Variants in SCARA3 observed in about 807,000 individuals in gnomAD.
SCARA3 encodes scavenger receptor class A member 3.
Under a neutral mutation model 47.0 loss-of-function variants are expected in SCARA3, and 39 were observed. The ratio of observed to expected loss-of-function variants is 0.83; its 90% CI spans 0.64 to 1.08. The LOEUF is 1.08. Ranked by LOEUF, SCARA3 falls within the 50% of genes least tolerant of loss-of-function variation. The probability of loss-of-function intolerance (pLI) is 0.00; values close to 1 mark genes in which losing one functional copy is unlikely to be tolerated. For missense variants in SCARA3, 724 were observed against 792.3 expected, an observed-to-expected ratio of 0.91 and a Z score of 1.04; for synonymous variants, 356 against 334.1, an observed-to-expected ratio of 1.07 and a Z score of -0.71.
downstream of SCARA3, among the ~76,000 whole-genome samples, chr8:27,676,331 CGT>C (rs1563417115): frequency 6.6e-6 from 1 of 152,170 alleles, no homozygotes; most frequent in Non-Finnish European, 1.5e-5. Flanking sequence ...CCAGCTGCCT[CGT>C]TACTAACACC....
the SCARA3 span, among the ~76,000 whole-genome samples, chr8:27,712,490 G>C: frequency 8.7e-5 from 13 of 149,384 alleles, no homozygotes; most frequent in Non-Finnish European, 1.2e-4. Flanking sequence ...GTGAACCCGG[G>C]AGGCGGAGCT....
the SCARA3 span, among the ~76,000 whole-genome samples, chr8:27,718,548 A>G: frequency 2.6e-5 from 4 of 152,360 alleles, no homozygotes; most frequent in Non-Finnish European, 4.4e-5. Context: ...GGTTTTTAGA[A>G]TGCAAGCTGG....
Position 27,671,518 on chromosome 8 carries a change from T to C in SCARA3, c.*167T>C. On this transcript the variant is annotated 3_prime_UTR_variant, in exon 6 of 6. Transcript: ENST00000301904. ...GGGCTCCCCCATAGTGACTGTGCCATAGGAAAGCAGCCCCTCCTCACACAT... is the reference window on the plus strand; with the variant it reads ...GGGCTCCCCCATAGTGACTGTGCCACAGGAAAGCAGCCCCTCCTCACACAT... 4 of 1,286,414 alleles carry C rather than the reference T, an allele frequency of 3.1e-6. No homozygotes were observed. Among genetic ancestry groups the C allele is most frequent in the African/African-American group, 3.1e-5 (2 of 64,984 alleles). The allele number at this position is 1,286,414 out of a possible 1,614,324, so 79.7% of individuals were successfully genotyped here.
At chr8:27,646,972 G>A (rs60321069) in intron 1 of SCARA3, among the ~76,000 whole-genome samples, 4 of 23,506 alleles carry the variant, frequency 1.7e-4, no homozygotes, top group Non-Finnish European at 2.2e-4. Flanking sequence ...GACCGCCCCC[G>A]CCCCCCCCCC....
chr8:27,671,458 A>G lies in SCARA3; in HGVS notation c.*107A>G, dbSNP rs1406059809. On this transcript the variant is annotated 3_prime_UTR_variant, in exon 6 of 6. Coordinates refer to ENST00000301904, the MANE Select transcript of SCARA3 (RefSeq NM_016240.3). ...AGACAGCTGTGGTCCTCTGATTCCA[A>G]TGAGGGGGCTCCCCAGGGCTGACCC... 14 of 1,319,730 alleles carry G rather than the reference A, an allele frequency of 1.1e-5. No homozygotes were observed. Among genetic ancestry groups the G allele is most frequent in the African/African-American group, 1.5e-5 (1 of 65,200 alleles). 81.8% of individuals were successfully genotyped at this position (1,319,730 alleles called of 1,614,324 possible).
intron 5 of SCARA3, among the ~76,000 whole-genome samples, chr8:27,660,307 A>G (rs1801867847): frequency 6.6e-6 from 1 of 152,128 alleles, no homozygotes; most frequent in Non-Finnish European, 1.5e-5. Flanking sequence ...ATATATATAG[A>G]GAGATAGACC....
rs1309025249 is a variant in SCARA3 at position 27,671,257 on chromosome 8, G to A, written c.1727G>A (p.Arg576Gln). The A allele has an allele frequency of 1.5e-5, 22 of 1,481,952 alleles. No individual in the cohort carries two copies. The highest frequency in any genetic ancestry group is 2.7e-5 in the Admixed American group (1 of 36,450). The allele number at this position is 1,481,952 out of a possible 1,614,324, so 91.8% of individuals were successfully genotyped here. The change falls in exon 6 of 6, where the codon CGG (arginine) becomes CAG (glutamine). Residue 576 changes from arginine to glutamine, a missense_variant. Transcript: ENST00000301904. Reference protein sequence around the residue: ...IAGKTGSPGQRGAMGPKGEPG... With the variant: ...IAGKTGSPGQQGAMGPKGEPG... ...GGGAAGACAGGGTCACCAGGCCAGC[G>A]GGGGGCCATGGGGCCTAAGGGTGAA...
chr8:27,639,859 T>G (rs1801346114), intron 1 of SCARA3, among the ~76,000 whole-genome samples: 1 of 152,214 alleles, frequency 6.6e-6, no homozygotes, highest in South Asian at 2.1e-4. Context: ...CCGCGTTGAC[T>G]GCTGATCAGC....
chr8:27,724,583 G>A, the SCARA3 span, among the ~76,000 whole-genome samples: 7 of 152,270 alleles, frequency 4.6e-5, no homozygotes, highest in South Asian at 2.1e-4. Context: ...GTTTGAACCC[G>A]GGAGGCAGAG....
intron 3 of SCARA3, among the ~76,000 whole-genome samples, chr8:27,656,028 G>C (rs1179007856): frequency 6.6e-6 from 1 of 152,132 alleles, no homozygotes; most frequent in African/African-American, 2.4e-5. Context: ...CTGACATATG[G>C]TCAAGGTCAG....
In SCARA3 at chr8:27,671,105, G is replaced by T; in HGVS notation, c.1575G>T (p.Lys525Asn). ...PRGFPGLKGSKGSFGTGGPRG... is the reference protein window; with the variant it reads ...PRGFPGLKGSNGSFGTGGPRG... ...GGTTCCCAGGCCTCAAAGGCTCAAA[G>T]GGCAGCTTTGGAACTGGAGGGCCGA... The change falls in exon 6 of 6, where the codon AAG becomes AAT. Residue 525 changes from lysine (K) to asparagine (N), a missense_variant. Lys to Asn is a moderately conservative substitution (Grantham distance 94). Transcript: ENST00000301904. 6.2e-7 allele frequency: 1 copy of T among 1,601,316 alleles called. No homozygotes were observed. Among genetic ancestry groups the T allele is most frequent in the Non-Finnish European group, 8.5e-7 (1 of 1,173,816 alleles).
rs905696733 is a variant in SCARA3, at chr8:27,671,166, C to G, written c.1636C>G (p.Pro546Ala). Residue 546 changes from proline to alanine, a missense_variant, in exon 6 of 6, where the codon CCA (proline) becomes GCA (alanine). By Grantham distance (27) the Pro-to-Ala change is conservative. Transcript: ENST00000301904. ...QPGPKGDIGP[P>A]GPEGPPGSPG... ...AGGCCCAAAAGGGGACATAGGGCCC[C>G]CAGGGCCAGAAGGGCCCCCGGGGTC... 1.3e-6 allele frequency: 2 copies of G among 1,531,358 alleles called. No homozygotes were observed. The highest frequency in any genetic ancestry group is 2.8e-5 in the African/African-American group (2 of 71,662). 94.9% of individuals were successfully genotyped at this position (1,531,358 alleles called of 1,614,324 possible). A position where few individuals can be genotyped will look rare whatever the true frequency, so the allele number is the denominator to read the frequency against.
chr8:27,642,353 T>C lies in SCARA3; in HGVS notation c.8-7349T>C, dbSNP rs75266544. 9.2e-5 allele frequency among the ~76,000 whole-genome samples: 14 copies of C among 152,360 alleles called. No homozygotes were observed. In the East Asian group the frequency reaches 2.7e-3, roughly 29 times the overall value. ...ACTACTATTTATTAAGCATTTACGATGTACCAGGTACTTTTCATATACGTC... is the reference window on the plus strand; with the variant it reads ...ACTACTATTTATTAAGCATTTACGACGTACCAGGTACTTTTCATATACGTC... On this transcript the variant is annotated intron_variant, in intron 1 of 5. Coordinates refer to ENST00000301904, the MANE Select transcript of SCARA3 (RefSeq NM_016240.3).
chr8:27,702,218 T>C, the SCARA3 span: 1 of 152,282 alleles, frequency 6.6e-6, no homozygotes, highest in African/African-American at 2.4e-5. Context: ...AACAACTGAC[T>C]TCAAGTCCTA....
At chr8:27,668,158 C>G (rs1205474916) in intron 5 of SCARA3, among the ~76,000 whole-genome samples, 1 of 152,206 alleles carries the variant, frequency 6.6e-6, no homozygotes, top group East Asian at 1.9e-4. Context: ...GAAAGACTCC[C>G]CAGAGCTTTC....
downstream of SCARA3, chr8:27,676,675 T>C: frequency 1.2e-6 from 1 of 859,776 alleles, no homozygotes. Flanking sequence ...TCCTTAATGG[T>C]AAGCATCACC....
chr8:27,673,621 G>C (rs920828847), downstream of SCARA3, among the ~76,000 whole-genome samples: 2 of 152,208 alleles, frequency 1.3e-5, no homozygotes, highest in Non-Finnish European at 2.9e-5. Flanking sequence ...AAACATGGCT[G>C]CCTCACATGG....
At chr8:27,680,460 A>T (rs1419637276), downstream of SCARA3, among the ~76,000 whole-genome samples, 2 of 152,182 alleles carry the variant, frequency 1.3e-5, no homozygotes, top group East Asian at 1.9e-4. Flanking sequence ...AATAACCTAG[A>T]TGAGATGGGC....
intron 5 of SCARA3, among the ~76,000 whole-genome samples, chr8:27,668,495 G>C (rs1353357041): frequency 2.7e-5 from 4 of 147,538 alleles, no homozygotes. Flanking sequence ...AGCCGAGATT[G>C]CGCCACTGCA....
Sources: gnomAD v4.1 joint callset for allele counts (sites outside exome capture counted in the v4.1 genomes callset) on GRCh38, gnomAD v4.1.1 for gene constraint, MANE v1.5 for transcripts, NCBI Gene and HGNC (gene_info 2026-07-23, HGNC 2026-07-21) for gene names.